RNF167: variants seen among roughly 807,000 people sequenced by gnomAD.
RNF167 encodes the protein E3 ubiquitin-protein ligase RNF167.
Under a neutral mutation model 34.8 loss-of-function variants are expected in RNF167, and 19 were observed. That is an observed-to-expected ratio of 0.55 (90% CI 0.38 to 0.80). The LOEUF is 0.80. RNF167 is among the 30% of genes least tolerant of loss of function. RNF167 has a pLI of 0.00. For missense variants in RNF167, 464 were observed against 447.0 expected (o/e 1.04, Z -0.34); for synonymous variants, 200 against 170.4 (o/e 1.17, Z -1.35).
chr17:4,941,103 C>T lies in RNF167; in HGVS notation c.111C>T (p.Asp37=). The change falls in exon 3 of 10, where the codon GAC becomes GAT. Residue 37 remains aspartate, a synonymous_variant. Transcript: ENST00000262482. The part of the protein sequence containing the change: ...RATSDHNASM[D]FADLPALFGA... ...CCTCGGACCACAATGCCAGCATGGA[C>T]TTTGCAGACCTTCCAGCTCTGTTTG... The T allele has an allele frequency of 6.2e-7, 1 of 1,614,250 alleles. No homozygotes were observed. Among genetic ancestry groups the T allele is most frequent in the Non-Finnish European group, 8.5e-7 (1 of 1,180,046 alleles).
chr17:4,941,166 CTTTCT>C lies in RNF167; in HGVS notation c.165+19_165+23del, dbSNP rs1970759403. On this transcript the variant is annotated intron_variant, in intron 3 of 9. Coordinates refer to ENST00000262482, the MANE Select transcript of RNF167 (RefSeq NM_015528.3). ...GCCAGGAGGGCCTCCAGGTGATTTTCTTTCTTTTCTTTTCCTCCTTCCCTCCCTTC... is the reference window on the plus strand; with the variant it reads ...GCCAGGAGGGCCTCCAGGTGATTTTCTTTCTTTTCCTCCTTCCCTCCCTTC... The C allele has an allele frequency of 3.1e-6, 5 of 1,610,406 alleles. No homozygotes were observed. The highest frequency in any genetic ancestry group is 4.5e-5 in the East Asian group (2 of 44,866).
In RNF167 at chr17:4,944,828, C is replaced by G; in HGVS notation, c.865C>G (p.Gln289Glu). 1 of 1,612,666 alleles carries G rather than the reference C, an allele frequency of 6.2e-7. No homozygotes were observed. The highest frequency in any genetic ancestry group is 8.5e-7 in the Non-Finnish European group (1 of 1,179,312). ...PGDEDQEEET[Q>E]GQEEGDEGEP... ...GGACGAAGACCAAGAGGAAGAAACT[C>G]AAGGGCAAGAGGAGGGTGATGAAGG... is the stretch of plus-strand genomic sequence containing the variant. The change falls in exon 10 of 10, where the codon CAA (glutamine) becomes GAA (glutamate). Residue 289 changes from glutamine to glutamate, a missense_variant. Transcript: ENST00000262482.
chr17:4,943,666 G>A (rs1971067412), intron 8 of RNF167, 147 bp downstream of exon 8: 1 of 687,576 alleles, frequency 1.5e-6, no homozygotes, highest in Non-Finnish European at 2.5e-6. Flanking sequence ...CCAGTACTTT[G>A]GGAGGCCAAG....
intron 8 of RNF167, among the ~76,000 whole-genome samples, chr17:4,944,044 T>G (rs554750072): frequency 6.6e-6 from 1 of 152,312 alleles, no homozygotes; most frequent in South Asian, 2.1e-4. Flanking sequence ...CAGCTTGAGA[T>G]GCTGTCTTTT....
rs1214997573 is a variant in RNF167, at chr17:4,941,131, G to T, written c.139G>T (p.Ala47Ser). The T allele has an allele frequency of 4.3e-6, 7 of 1,614,156 alleles. No homozygotes were observed. The highest frequency in any genetic ancestry group is 5.9e-6 in the Non-Finnish European group (7 of 1,180,004). ...TGCAGACCTTCCAGCTCTGTTTGGG[G>T]CTACCTTGAGCCAGGAGGGCCTCCA... Reference protein sequence around the residue: ...DFADLPALFGATLSQEGLQGF... With the variant: ...DFADLPALFGSTLSQEGLQGF... Residue 47 changes from alanine to serine, a missense_variant, in exon 3 of 10, where the codon GCT becomes TCT. Ala to Ser is a moderately conservative substitution (Grantham distance 99). Transcript: ENST00000262482.
Position 4,941,121 on chromosome 17 carries a change from T to C in RNF167, c.129T>C (p.Ala43=), listed in dbSNP as rs1970752445. 3.7e-6 allele frequency: 6 copies of C among 1,614,094 alleles called. No individual in the cohort carries two copies. ...GCATGGACTTTGCAGACCTTCCAGC[T>C]CTGTTTGGGGCTACCTTGAGCCAGG... ...NASMDFADLP[A]LFGATLSQEG... Residue 43 remains alanine (A), a synonymous_variant, in exon 3 of 10, where the codon GCT becomes GCC. Transcript: ENST00000262482.
chr17:4,945,060 C>A lies in RNF167; in HGVS notation c.*44C>A, dbSNP rs9895617. ...CCTCTGGTGACCTATTTGCACAGAC[C>A]GTCGTCTTCCCTCCAGTCTTCTGAG... On this transcript the variant is annotated 3_prime_UTR_variant, in exon 10 of 10. Transcript: ENST00000262482. The A allele has an allele frequency of 4.1e-6, 6 of 1,459,156 alleles. No individual in the cohort carries two copies. 90.4% of individuals were successfully genotyped at this position (1,459,156 alleles called of 1,614,324 possible). A position where few individuals can be genotyped will look rare whatever the true frequency, so the allele number is the denominator to read the frequency against.
chr17:4,942,883 GTATT>G lies in RNF167; in HGVS notation c.417_420del (p.Phe139LeufsTer52), dbSNP rs1970961870. The G allele has an allele frequency of 6.2e-7, 1 of 1,614,224 alleles. No homozygotes were observed. The highest frequency in any genetic ancestry group is 8.5e-7 in the Non-Finnish European group (1 of 1,180,034). On this transcript the variant is annotated frameshift_variant, in exon 6 of 10. Transcript: ENST00000262482. LOFTEE classifies it high-confidence loss of function. ...CCAGCAGCAGATCTGGATCCCGTCT[GTATT>G]TATTGGGGAGAGAAGCTCCGAGTAC...
chr17:4,945,061 G>T lies in RNF167; in HGVS notation c.*45G>T, dbSNP rs747063000. The T allele has an allele frequency of 2.1e-6, 3 of 1,458,238 alleles. No homozygotes were observed. The highest frequency in any genetic ancestry group is 2.8e-5 in the South Asian group (2 of 72,276). The allele number at this position is 1,458,238 out of a possible 1,614,324, so 90.3% of individuals were successfully genotyped here. On this transcript the variant is annotated 3_prime_UTR_variant, in exon 10 of 10. Transcript: ENST00000262482. ...CTCTGGTGACCTATTTGCACAGACC[G>T]TCGTCTTCCCTCCAGTCTTCTGAGG...
Position 4,942,673 on chromosome 17 carries a change from G to C in RNF167, c.379+9G>C, listed in dbSNP as rs1235701074. Reference sequence around the variant, plus strand: ...CATGGTGTGGAATAGTGGTAAGGCTGGGGGAATCTATACAGCTGGGCTTTC... The same window carrying C: ...CATGGTGTGGAATAGTGGTAAGGCTCGGGGAATCTATACAGCTGGGCTTTC... On this transcript the variant is annotated intron_variant, in intron 5 of 9. Transcript: ENST00000262482. 1 of 1,613,660 alleles carries C rather than the reference G, an allele frequency of 6.2e-7. No homozygotes were observed. The highest frequency in any genetic ancestry group is 1.1e-5 in the South Asian group (1 of 91,060).
chr17:4,944,664 C>T lies in RNF167; in HGVS notation c.751+26C>T, dbSNP rs753506559. The T allele has an allele frequency of 4.0e-5, 64 of 1,614,024 alleles. 1 individual carries two copies. The highest frequency in any genetic ancestry group is 8.0e-5 in the African/African-American group (6 of 75,030). Reference sequence around the variant, plus strand: ...GTGAGGCCCTCACTGCCTGCCCATGCCCCTCTGCCACCAGCAGCCACCAGG... The same window carrying T: ...GTGAGGCCCTCACTGCCTGCCCATGTCCCTCTGCCACCAGCAGCCACCAGG... On this transcript the variant is annotated intron_variant, in intron 9 of 9. Coordinates refer to ENST00000262482, the MANE Select transcript of RNF167 (RefSeq NM_015528.3).
Position 4,942,665 on chromosome 17 carries a change from G to A in RNF167, c.379+1G>A, listed in dbSNP as rs764154091. 2 of 1,614,020 alleles carry A rather than the reference G, an allele frequency of 1.2e-6. No homozygotes were observed. The highest frequency in any genetic ancestry group is 2.2e-5 in the South Asian group (2 of 91,076). ...CTTCTGAACATGGTGTGGAATAGTG[G>A]TAAGGCTGGGGGAATCTATACAGCT... is the stretch of plus-strand genomic sequence containing the variant. On this transcript the variant is annotated splice_donor_variant, in intron 5 of 9. Coordinates refer to ENST00000262482, the MANE Select transcript of RNF167 (RefSeq NM_015528.3). LOFTEE classifies it high-confidence loss of function.
chr17:4,944,404 T>C lies in RNF167; in HGVS notation c.671-154T>C. The C allele has an allele frequency of 1.3e-5, 18 of 1,382,330 alleles. 1 individual carries two copies. Among genetic ancestry groups the C allele is most frequent in the Non-Finnish European group, 1.7e-5 (18 of 1,067,584 alleles). The allele number at this position is 1,382,330 out of a possible 1,614,324, so 85.6% of individuals were successfully genotyped here. On this transcript the variant is annotated intron_variant, in intron 8 of 9. Transcript: ENST00000262482. Reference sequence around the variant, plus strand: ...TTGCTTGTCCCTTCTAGCCCTAAATTCTTCCATGTTCTGCCCTGACCTTAT... The same window carrying C: ...TTGCTTGTCCCTTCTAGCCCTAAATCCTTCCATGTTCTGCCCTGACCTTAT...
Position 4,944,599 on chromosome 17 carries a change from G to A in RNF167, c.712G>A (p.Glu238Lys). 1.9e-6 allele frequency: 3 copies of A among 1,610,512 alleles called. No individual in the cohort carries two copies. Among genetic ancestry groups the A allele is most frequent in the African/African-American group, 1.3e-5 (1 of 74,872 alleles). The change falls in exon 9 of 10, where the codon GAG (glutamate) becomes AAG (lysine). Residue 238 changes from glutamate (E) to lysine (K), a missense_variant. Glu to Lys is a moderately conservative substitution (Grantham distance 56). Transcript: ENST00000262482. ...DVCAICLDEY[E>K]DGDKLRVLPC... is the part of the protein sequence containing the mutation. Reference sequence around the variant, plus strand: ...CTGTGCCATTTGCCTGGATGAATATGAGGATGGGGACAAGCTGCGGGTACT... The same window carrying A: ...CTGTGCCATTTGCCTGGATGAATATAAGGATGGGGACAAGCTGCGGGTACT...
intron 8 of RNF167, 183 bp from the exon 9 acceptor site, chr17:4,944,373 TTC>T: frequency 1.5e-6 from 2 of 1,332,502 alleles, no homozygotes; most frequent in Non-Finnish European, 9.6e-7. Context: ...TTACCTCTGC[TTC>T]TCTTTGCTTG....
rs778934728 is a variant in RNF167 at position 4,942,433 on chromosome 17, G to A, written c.258G>A (p.Leu86=). The A allele has an allele frequency of 6.2e-7, 1 of 1,614,114 alleles. No individual in the cohort carries two copies. Among genetic ancestry groups the A allele is most frequent in the Non-Finnish European group, 8.5e-7 (1 of 1,180,026 alleles). The part of the protein sequence containing the change: ...APVNGSVFIA[L]LRRFDCNFDL... ...TCAATGGGTCAGTCTTTATTGCGCTGCTTCGAAGATTCGACTGCAACTTTG... is the reference window on the plus strand; with the variant it reads ...TCAATGGGTCAGTCTTTATTGCGCTACTTCGAAGATTCGACTGCAACTTTG... The change falls in exon 4 of 10, where the codon CTG becomes CTA. Residue 86 remains leucine (L), a synonymous_variant. Transcript: ENST00000262482.
rs758849202 is a variant in RNF167 at position 4,943,274 on chromosome 17, G to T, written c.566G>T (p.Gly189Val). 8 of 1,613,896 alleles carry T rather than the reference G, an allele frequency of 5.0e-6. No homozygotes were observed. The highest frequency in any genetic ancestry group is 5.1e-6 in the Non-Finnish European group (6 of 1,179,828). ...GIVGLLVLAM[G>V]AVMIARCIQH... ...GTGGGACTGCTGGTTTTGGCCATGG[G>T]AGCAGTAATGGTGAGTAGCTGAGGG... is the stretch of plus-strand genomic sequence containing the variant. Residue 189 changes from glycine (G) to valine (V), a missense_variant, in exon 7 of 10, where the codon GGA (glycine) becomes GTA (valine). Transcript: ENST00000262482.
intron 8 of RNF167, among the ~76,000 whole-genome samples, chr17:4,944,159 T>TAC (rs769689207): frequency 2.0e-5 from 3 of 152,198 alleles, no homozygotes; most frequent in African/African-American, 4.8e-5. Context: ...AGACTTTGCT[T>TAC]ATAGGGGATG....
Position 4,941,092 on chromosome 17 carries a change from G to A in RNF167, c.100G>A (p.Ala34Thr). Residue 34 changes from alanine to threonine, a missense_variant, in exon 3 of 10, where the codon GCC becomes ACC. Transcript: ENST00000262482. ...TTGTCCGCAGACCTCGGACCACAAT[G>A]CCAGCATGGACTTTGCAGACCTTCC... ...GLIRATSDHN[A>T]SMDFADLPAL... The A allele has an allele frequency of 1.2e-6, 2 of 1,614,256 alleles. No individual in the cohort carries two copies. Among genetic ancestry groups the A allele is most frequent in the Non-Finnish European group, 1.7e-6 (2 of 1,180,040 alleles).
Sources: gnomAD v4.1 joint callset for allele counts (sites outside exome capture counted in the v4.1 genomes callset) on GRCh38, gnomAD v4.1.1 for gene constraint, MANE v1.5 for transcripts, NCBI Gene and HGNC (gene_info 2026-07-23, HGNC 2026-07-21) for gene names.